The following ZNF514 variants were observed in gnomAD, a reference collection of about 807,000 sequenced individuals.
ZNF514 encodes the protein zinc finger protein 514.
In ZNF514, 12 loss-of-function variants were observed where a neutral mutation model predicts 9.7. The observed-to-expected ratio is 1.24, with a 90% confidence interval of 0.79 to 2.01. The LOEUF (loss-of-function observed/expected upper bound fraction) is 2.01, where lower values mean the gene tolerates loss of function less well. Among genes scored for constraint, ZNF514 ranks in the 30% most tolerant of loss-of-function variants. The probability of loss-of-function intolerance (pLI) is 0.00; values close to 1 mark genes in which losing one functional copy is unlikely to be tolerated. For synonymous variants in ZNF514, 158 were observed against 163.7 expected (o/e 0.97, Z 0.27); for missense variants, 467 against 465.5 (o/e 1.00, Z -0.03).
intron 1 of ZNF514, among the ~76,000 whole-genome samples, chr2:95,158,647 G>A (rs1328209727): frequency 2.6e-5 from 4 of 152,202 alleles, no homozygotes; most frequent in African/African-American, 9.6e-5. Context: ...ACTCCCTCTT[G>A]GGTTTGCTTG....
downstream of ZNF514, among the ~76,000 whole-genome samples, chr2:95,142,122 C>G (rs538886194): frequency 6.6e-6 from 1 of 152,182 alleles, no homozygotes; most frequent in African/African-American, 2.4e-5. Context: ...AGAACATGCT[C>G]ATTCTAATGC....
intron 1 of ZNF514, among the ~76,000 whole-genome samples, chr2:95,158,191 G>A (rs1318122902): frequency 6.6e-6 from 1 of 152,176 alleles, no homozygotes; most frequent in African/African-American, 2.4e-5. Flanking sequence ...ACTGTTTGAG[G>A]ATGTGTGGGG....
intron 1 of ZNF514, chr2:95,159,022 A>G: frequency 7.9e-7 from 1 of 1,261,694 alleles, no homozygotes; most frequent in Non-Finnish European, 1.0e-6. Flanking sequence ...ACTAGGTCCA[A>G]ATCTCTGTCT....
chr2:95,152,986 C>A, intron 3 of ZNF514, 147 bp downstream of exon 3: 1 of 1,089,620 alleles, frequency 9.2e-7, no homozygotes, highest in Non-Finnish European at 1.3e-6. Context: ...TATCACTGGG[C>A]CCCAAAGAGA....
the ZNF514 span, among the ~76,000 whole-genome samples, chr2:95,131,802 T>C: frequency 6.6e-6 from 1 of 151,960 alleles, no homozygotes; most frequent in South Asian, 2.1e-4. Context: ...TAATTAGACT[T>C]CCCCAAATTT....
chr2:95,151,701 G>A (rs1282359691), intron 4 of ZNF514, among the ~76,000 whole-genome samples: 1 of 152,214 alleles, frequency 6.6e-6, no homozygotes, highest in East Asian at 1.9e-4. Flanking sequence ...AGGCCAGTCA[G>A]AGAGTTTCTG....
chr2:95,158,231 T>C (rs1489848356), intron 1 of ZNF514, among the ~76,000 whole-genome samples: 5 of 152,270 alleles, frequency 3.3e-5, no homozygotes, highest in Non-Finnish European at 4.4e-5. Context: ...AGAGAACTTC[T>C]GGGCAATGCC....
intron 4 of ZNF514, 36 bp from the exon 5 acceptor site, chr2:95,150,303 A>G (rs1673502817): frequency 6.6e-7 from 1 of 1,508,806 alleles, no homozygotes; most frequent in African/African-American, 1.4e-5. Context: ...AAGACATTCT[A>G]GTATGTAGAA....
chr2:95,123,640 G>A, the ZNF514 span, among the ~76,000 whole-genome samples: 1 of 152,186 alleles, frequency 6.6e-6, no homozygotes, highest in Non-Finnish European at 1.5e-5. Context: ...TTGAGAGAGA[G>A]AAGATCATGT....
the ZNF514 span, among the ~76,000 whole-genome samples, chr2:95,128,390 CAAA>C: frequency 9.8e-5 from 8 of 81,260 alleles, no homozygotes; most frequent in Admixed American, 1.4e-4. Context: ...GGCTTCGTCT[CAAA>C]AAAAAAAAAA....
At chr2:95,156,415 T>C (rs541514685) in intron 2 of ZNF514, among the ~76,000 whole-genome samples, 13 of 152,302 alleles carry the variant, frequency 8.5e-5, no homozygotes, top group African/African-American at 3.1e-4. Context: ...GCTCTATGAT[T>C]GAGTGGTTAA....
chr2:95,127,515 A>G, the ZNF514 span, among the ~76,000 whole-genome samples: 43 of 152,322 alleles, frequency 2.8e-4, no homozygotes, highest in Admixed American at 2.2e-3. Context: ...GTGCCACCAC[A>G]TAGTGCCTGT....
chr2:95,154,454 C>T (rs1673635135), intron 2 of ZNF514: 1 of 152,248 alleles, frequency 6.6e-6, no homozygotes, highest in South Asian at 2.1e-4. Flanking sequence ...GCATCCAGGC[C>T]AGGCAGTGAA....
intron 4 of ZNF514, among the ~76,000 whole-genome samples, chr2:95,152,366 G>A (rs1673566288): frequency 6.6e-6 from 1 of 151,878 alleles, no homozygotes; most frequent in African/African-American, 2.4e-5. Context: ...ATCTAGGATT[G>A]CCTGGCCCTA....
downstream of ZNF514, among the ~76,000 whole-genome samples, chr2:95,141,973 G>T (rs769848082): frequency 6.6e-6 from 1 of 152,138 alleles, no homozygotes; most frequent in African/African-American, 2.4e-5. Flanking sequence ...AGTCCAAGAC[G>T]TCTGTAAAAA....
At chr2:95,153,377 G>T in intron 2 of ZNF514, 118 bp from the exon 3 acceptor site, 2 of 1,012,180 alleles carry the variant, frequency 2.0e-6, no homozygotes, top group Non-Finnish European at 2.7e-6. Flanking sequence ...CTCAGGTGGA[G>T]GTAAATGTAA....
At chr2:95,126,469 T>C in the ZNF514 span, among the ~76,000 whole-genome samples, 15 of 151,908 alleles carry the variant, frequency 9.9e-5, no homozygotes, top group Non-Finnish European at 1.8e-4. Context: ...TTCCATTTTA[T>C]ATTCCTGCCA....
At position 95,159,270 on chromosome 2, in the gene ZNF514, T is replaced by TTA; in HGVS notation, c.-127_-126insTA. ...GCTCGGCTCCTCCTCAGGACCAGGCTCTGGAACCCAGCTCCCACGTGGATC... is the reference window on the plus strand; with the variant it reads ...GCTCGGCTCCTCCTCAGGACCAGGCTTACTGGAACCCAGCTCCCACGTGGATC... On this transcript the variant is annotated 5_prime_UTR_variant, in exon 1 of 5. Transcript: ENST00000295208. 5.7e-6 allele frequency: 1 copy of TTA among 174,230 alleles called. No individual in the cohort carries two copies. The allele number at this position is 174,230 out of a possible 1,614,324, so 10.8% of individuals were successfully genotyped here. A position where few individuals can be genotyped will look rare whatever the true frequency, so the allele number is the denominator to read the frequency against.
At chr2:95,140,134 G>T (rs910505232), downstream of ZNF514, among the ~76,000 whole-genome samples, 6 of 151,938 alleles carry the variant, frequency 3.9e-5, no homozygotes, top group Non-Finnish European at 8.8e-5. Context: ...CTGTCAGTGG[G>T]TGAGGGGAGC....
Sources: gnomAD v4.1 joint callset for allele counts (sites outside exome capture counted in the v4.1 genomes callset) on GRCh38, gnomAD v4.1.1 for gene constraint, MANE v1.5 for transcripts, NCBI Gene and HGNC (gene_info 2026-07-23, HGNC 2026-07-21) for gene names.